PKP4: variants seen among roughly 807,000 people sequenced by gnomAD.
PKP4 encodes the protein plakophilin 4, also known as plakophilin-4.
Under a neutral mutation model 145.1 loss-of-function variants are expected in PKP4, and 90 were observed. That is an observed-to-expected ratio of 0.62 (90% confidence interval 0.52 to 0.74). The LOEUF (loss-of-function observed/expected upper bound fraction) is 0.74, where lower values mean the gene tolerates loss of function less well. PKP4 is among the 30% of genes least tolerant of loss of function. The pLI is 0.00. For missense variants in PKP4, 1,340 were observed against 1,482.7 expected, an observed-to-expected ratio of 0.90 and a Z score of 1.58; for synonymous variants, 563 against 577.2, an observed-to-expected ratio of 0.98 and a Z score of 0.35.
Position 158,621,502 on chromosome 2 carries a change from T to C in PKP4, c.603+81T>C. 4.0e-6 allele frequency: 5 copies of C among 1,234,578 alleles called. No individual in the cohort carries two copies. In the South Asian group the frequency reaches 6.8e-5, roughly 17 times the overall value. The allele number at this position is 1,234,578 out of a possible 1,614,324, so 76.5% of individuals were successfully genotyped here. On this transcript the variant is annotated intron_variant, in intron 6 of 21. Coordinates refer to ENST00000389759, the MANE Select transcript of PKP4 (RefSeq NM_003628.6). ...GGCTCATGCCTGTAATCCCAGCATTTTGGGAGGCCGAGGCGGGTGGATCAC... is the reference window on the plus strand; with the variant it reads ...GGCTCATGCCTGTAATCCCAGCATTCTGGGAGGCCGAGGCGGGTGGATCAC...
At chr2:158,606,274 G>T (rs2050646706) in intron 4 of PKP4, among the ~76,000 whole-genome samples, 1 of 151,932 alleles carries the variant, frequency 6.6e-6, no homozygotes, top group Non-Finnish European at 1.5e-5. Flanking sequence ...GAGAGGCAGA[G>T]CCTGCAATGA....
At chr2:158,468,792 G>GTTTT (rs1691081488) in intron 1 of PKP4, among the ~76,000 whole-genome samples, 1 of 33,876 alleles carries the variant, frequency 3.0e-5, no homozygotes. Context: ...TTTTTTTTGA[G>GTTTT]ACAGGGTCTC....
At chr2:158,568,165 C>T (rs989336869) in intron 2 of PKP4, among the ~76,000 whole-genome samples, 26 of 152,086 alleles carry the variant, frequency 1.7e-4, no homozygotes, top group Admixed American at 1.5e-3. Context: ...GAAACCCCTT[C>T]TCTACTAAAA....
At chr2:158,638,130 A>G (rs911037614) in intron 9 of PKP4, among the ~76,000 whole-genome samples, 1 of 152,268 alleles carries the variant, frequency 6.6e-6, no homozygotes, top group African/African-American at 2.4e-5. Flanking sequence ...AGAGATTTAC[A>G]TAATAGGCTT....
At chr2:158,466,289 C>A (rs1232680621) in intron 1 of PKP4, among the ~76,000 whole-genome samples, 1 of 152,142 alleles carries the variant, frequency 6.6e-6, no homozygotes, top group Non-Finnish European at 1.5e-5. Flanking sequence ...TGGTCTGAGA[C>A]CCTGATACCA....
chr2:158,676,152 G>T (rs918628817), intron 19 of PKP4, among the ~76,000 whole-genome samples: 1 of 152,080 alleles, frequency 6.6e-6, no homozygotes, highest in Non-Finnish European at 1.5e-5. Context: ...GGCTTACTGG[G>T]TTTAAATTGT....
At chr2:158,637,601 A>G (rs1574899729) in intron 9 of PKP4, among the ~76,000 whole-genome samples, 2 of 152,204 alleles carry the variant, frequency 1.3e-5, no homozygotes, top group East Asian at 3.8e-4. Context: ...CTTGGTCCAG[A>G]AAGTGCCCTC....
intron 4 of PKP4, among the ~76,000 whole-genome samples, chr2:158,612,826 ATCATGC>A (rs144981462): frequency 0.019 from 2,882 of 152,252 alleles, 39 homozygotes; most frequent in Non-Finnish European, 0.027. Context: ...ACCCCGGACC[ATCATGC>A]TAATTAACTC....
intron 11 of PKP4, among the ~76,000 whole-genome samples, chr2:158,647,159 A>C (rs2054908065): frequency 1.3e-5 from 2 of 152,156 alleles, no homozygotes; most frequent in South Asian, 2.1e-4. Flanking sequence ...TGAAAACAGA[A>C]CATTAGCCTT....
At chr2:158,521,104 G>A (rs905609939) in intron 1 of PKP4, among the ~76,000 whole-genome samples, 1 of 152,134 alleles carries the variant, frequency 6.6e-6, no homozygotes, top group African/African-American at 2.4e-5. Context: ...ATCAGGAATG[G>A]AATTACAGGA....
intron 1 of PKP4, among the ~76,000 whole-genome samples, chr2:158,469,094 G>C (rs889285490): frequency 6.7e-6 from 1 of 148,432 alleles, no homozygotes; most frequent in African/African-American, 2.5e-5. Context: ...ATACTTTTTT[G>C]TTGTTTTTTT....
intron 1 of PKP4, among the ~76,000 whole-genome samples, chr2:158,511,932 A>G (rs1054197685): frequency 2.6e-5 from 4 of 152,212 alleles, no homozygotes; most frequent in African/African-American, 4.8e-5. Flanking sequence ...CAAAATGGGT[A>G]GTATTAAAGC....
At chr2:158,484,101 G>A (rs547058998) in intron 1 of PKP4, among the ~76,000 whole-genome samples, 1 of 150,096 alleles carries the variant, frequency 6.7e-6, no homozygotes, top group East Asian at 2.0e-4. Flanking sequence ...GACTGCAGTG[G>A]CAGTGGCGCA....
chr2:158,475,452 T>G (rs185619247), intron 1 of PKP4, among the ~76,000 whole-genome samples: 88 of 152,320 alleles, frequency 5.8e-4, no homozygotes, highest in African/African-American at 2.1e-3. Flanking sequence ...TACTTTCTTA[T>G]TGTTCTCAGT....
chr2:158,547,228 G>A (rs2045148259), intron 2 of PKP4, among the ~76,000 whole-genome samples: 1 of 152,124 alleles, frequency 6.6e-6, no homozygotes, highest in Admixed American at 6.5e-5. Context: ...TGTCTAGAAT[G>A]TTCATAGCAC....
At chr2:158,558,123 A>G (rs1036347853) in intron 2 of PKP4, among the ~76,000 whole-genome samples, 1 of 152,212 alleles carries the variant, frequency 6.6e-6, no homozygotes, top group African/African-American at 2.4e-5. Flanking sequence ...CCATATGACC[A>G]TGGCTCTATC....
chr2:158,553,479 C>G (rs1046717933), intron 2 of PKP4, among the ~76,000 whole-genome samples: 1 of 152,194 alleles, frequency 6.6e-6, no homozygotes, highest in Non-Finnish European at 1.5e-5. Context: ...CCAGCTTGAA[C>G]TGAAAAGGAC....
intron 11 of PKP4, among the ~76,000 whole-genome samples, chr2:158,654,344 A>T (rs7569540): frequency 0.014 from 2,141 of 151,388 alleles, 52 homozygotes; most frequent in African/African-American, 0.05. Flanking sequence ...AACTGTAAAC[A>T]TTTTTTTTTG....
At chr2:158,678,337 T>C (rs1042515377) in intron 20 of PKP4, among the ~76,000 whole-genome samples, 12 of 152,200 alleles carry the variant, frequency 7.9e-5, no homozygotes, top group Non-Finnish European at 1.8e-4. Flanking sequence ...GCATTGCTTT[T>C]TGGGGAAACA....
Sources: gnomAD v4.1 joint callset for allele counts (sites outside exome capture counted in the v4.1 genomes callset) on GRCh38, gnomAD v4.1.1 for gene constraint, MANE v1.5 for transcripts, NCBI Gene and HGNC (gene_info 2026-07-23, HGNC 2026-07-21) for gene names.